CEP63: variants seen among roughly 807,000 people sequenced by gnomAD.
CEP63 encodes the protein centrosomal protein of 63 kDa.
CEP63 carries 84 observed loss-of-function variants against 89.1 expected under a neutral mutation model. The observed-to-expected ratio is 0.94, with a 90% confidence interval of 0.79 to 1.13. The LOEUF is 1.13. Among genes scored for constraint, CEP63 ranks in the 50% most tolerant of loss-of-function variants. The pLI is 0.00. For synonymous variants in CEP63, 267 were observed against 272.5 expected, an observed-to-expected ratio of 0.98 and a Z score of 0.20; for missense variants, 838 against 813.3, an observed-to-expected ratio of 1.03 and a Z score of -0.37.
the CEP63 span, among the ~76,000 whole-genome samples, chr3:134,754,653 T>C: frequency 2.0e-5 from 3 of 151,958 alleles, no homozygotes; most frequent in African/African-American, 7.3e-5. Context: ...AAGTTGGGAG[T>C]GTGTCTACCC....
the CEP63 span, among the ~76,000 whole-genome samples, chr3:134,749,141 A>C: frequency 6.6e-6 from 1 of 152,198 alleles, no homozygotes; most frequent in African/African-American, 2.4e-5. Flanking sequence ...AAGACTTTTC[A>C]CTAGGTCAGT....
chr3:134,649,972 C>T, the CEP63 span, among the ~76,000 whole-genome samples: 477 of 152,314 alleles, frequency 3.1e-3, 4 homozygotes, highest in African/African-American at 0.011. Flanking sequence ...GCCCGCAGTC[C>T]GCCTAGTGCA....
At chr3:134,745,538 A>G in the CEP63 span, among the ~76,000 whole-genome samples, 4 of 152,122 alleles carry the variant, frequency 2.6e-5, no homozygotes, top group African/African-American at 9.7e-5. Context: ...CTTTTTTAAA[A>G]TTATTATTAT....
intron 11 of CEP63, among the ~76,000 whole-genome samples, chr3:134,573,258 G>T (rs1480200453): frequency 6.6e-6 from 1 of 152,124 alleles, no homozygotes; most frequent in Non-Finnish European, 1.5e-5. Flanking sequence ...AGTTTAATTA[G>T]GTCCCACTTG....
intron 1 of CEP63, chr3:134,486,631 T>C: frequency 1.2e-6 from 1 of 801,470 alleles, no homozygotes. Flanking sequence ...GAGACCCCAG[T>C]GCGGCCTCCC....
At chr3:134,664,062 G>A in the CEP63 span, among the ~76,000 whole-genome samples, 14 of 152,314 alleles carry the variant, frequency 9.2e-5, 1 homozygote, top group South Asian at 1.2e-3. Flanking sequence ...CAAGACTCGG[G>A]CCTTCCCTCT....
intron 13 of CEP63, 41 bp downstream of exon 13, chr3:134,558,388 C>A: frequency 8.1e-7 from 1 of 1,238,020 alleles, no homozygotes; most frequent in Non-Finnish European, 1.2e-6. Context: ...TGTATTGGTA[C>A]AATATAATTC....
rs201926443 is a variant in CEP63, at chr3:134,561,442, G to A, written c.2019G>A (p.Arg673=). Residue 673 remains arginine (R), a synonymous_variant, in exon 15 of 15, where the codon AGG becomes AGA. Coordinates refer to ENST00000675561, the MANE Select transcript of CEP63 (RefSeq NM_001353108.3). Reference sequence around the variant, plus strand: ...GATTTTTGGAAGAGGAGGAACTGAGGTCTCATCACATTCTAGAGCGCTTGG... The same window carrying A: ...GATTTTTGGAAGAGGAGGAACTGAGATCTCATCACATTCTAGAGCGCTTGG... ...ATRFLEEEEL[R]SHHILERLDA... The A allele has an allele frequency of 1.3e-5, 21 of 1,613,902 alleles. No individual in the cohort carries two copies. The East Asian group carries it at 4.0e-4, about 31-fold the overall frequency.
intron 2 of CEP63, among the ~76,000 whole-genome samples, chr3:134,501,514 G>A (rs1420828869): frequency 6.6e-6 from 1 of 151,956 alleles, no homozygotes; most frequent in African/African-American, 2.4e-5. Context: ...TTTCAGCAGT[G>A]TTTTGTAATT....
At chr3:134,558,394 AATT>A (rs775390583) in intron 13 of CEP63, 47 bp downstream of exon 13, 3 of 1,217,504 alleles carry the variant, frequency 2.5e-6, no homozygotes, top group Non-Finnish European at 3.6e-6. Flanking sequence ...GGTACAATAT[AATT>A]CTCATTTCTT....
intron 3 of CEP63, among the ~76,000 whole-genome samples, chr3:134,518,363 C>T (rs1205790014): frequency 3.9e-5 from 6 of 152,078 alleles, no homozygotes; most frequent in Non-Finnish European, 7.4e-5. Context: ...GAATACACAT[C>T]CAAGTGAATA....
chr3:134,738,841 G>A, the CEP63 span, among the ~76,000 whole-genome samples: 12 of 151,958 alleles, frequency 7.9e-5, no homozygotes, highest in Admixed American at 3.9e-4. Flanking sequence ...TCTTAATAGC[G>A]TTTCTCTAAA....
At chr3:134,522,269 A>G (rs1160913515) in intron 3 of CEP63, among the ~76,000 whole-genome samples, 1 of 152,176 alleles carries the variant, frequency 6.6e-6, no homozygotes, top group Non-Finnish European at 1.5e-5. Flanking sequence ...AATTCAGATC[A>G]ATCCAGGCAG....
chr3:134,694,674 C>T, the CEP63 span, among the ~76,000 whole-genome samples: 56 of 152,208 alleles, frequency 3.7e-4, no homozygotes, highest in African/African-American at 1.4e-3. Flanking sequence ...TCTCACAGAG[C>T]CCTTTTCAAG....
chr3:134,744,523 TA>T, the CEP63 span, among the ~76,000 whole-genome samples: 1 of 152,092 alleles, frequency 6.6e-6, no homozygotes, highest in East Asian at 1.9e-4. Context: ...CTTCAAAGCA[TA>T]GCATTGGGAA....
At chr3:134,724,927 G>A in the CEP63 span, among the ~76,000 whole-genome samples, 11 of 151,912 alleles carry the variant, frequency 7.2e-5, no homozygotes, top group Non-Finnish European at 1.3e-4. Flanking sequence ...TGAGAGGCAA[G>A]GTTTTAAAAA....
chr3:134,680,978 A>G, the CEP63 span, among the ~76,000 whole-genome samples: 6 of 152,212 alleles, frequency 3.9e-5, no homozygotes, highest in African/African-American at 7.2e-5. Context: ...GGACAGTGGC[A>G]CTTGTTAGTG....
chr3:134,517,142 A>C (rs1027301798), intron 3 of CEP63, among the ~76,000 whole-genome samples: 3 of 152,166 alleles, frequency 2.0e-5, no homozygotes, highest in African/African-American at 7.2e-5. Flanking sequence ...GTCCTTTATT[A>C]GCTTTCCTTC....
At chr3:134,596,026 A>C in the CEP63 span, among the ~76,000 whole-genome samples, 2 of 115,348 alleles carry the variant, frequency 1.7e-5, no homozygotes, top group Non-Finnish European at 3.3e-5. Flanking sequence ...GGGGCTTTAG[A>C]AGCTTTCCCG....
Sources: allele counts gnomAD v4.1 joint callset (sites outside exome capture counted in the v4.1 genomes callset), GRCh38; gene constraint gnomAD v4.1.1; transcripts MANE v1.5; gene names NCBI Gene and HGNC (gene_info 2026-07-23, HGNC 2026-07-21).